The following CCDC102B variants were observed in gnomAD, a reference collection of about 807,000 sequenced individuals.
The protein encoded by CCDC102B is coiled-coil domain containing 102B.
A neutral mutation model predicts 57.4 loss-of-function variants in CCDC102B; 75 were observed. The observed-to-expected ratio is 1.31, with a 90% CI of 1.08 to 1.58. The LOEUF is 1.58. Among genes scored for constraint, CCDC102B ranks in the 40% most tolerant of loss-of-function variants. The pLI, the probability that CCDC102B is intolerant of heterozygous loss-of-function variation, is 0.00. For missense variants in CCDC102B, 636 were observed against 582.6 expected, an observed-to-expected ratio of 1.09 and a Z score of -0.94; for synonymous variants, 206 against 201.9, an observed-to-expected ratio of 1.02 and a Z score of -0.17.
At chr18:68,814,507 A>G (rs1160608889) in intron 1 of CCDC102B, among the ~76,000 whole-genome samples, 1 of 152,140 alleles carries the variant, frequency 6.6e-6, no homozygotes, top group Non-Finnish European at 1.5e-5. Flanking sequence ...TTCAATGGTC[A>G]GTTACATTCA....
Position 69,054,985 on chromosome 18 carries a change from T to G in CCDC102B, c.*848T>G, listed in dbSNP as rs375450603. ...ACATTATAGTTTATTGCTTCATATT[T>G]AAGTTTAGTTTTTAAGGTAAAATGT... On this transcript the variant is annotated 3_prime_UTR_variant, in exon 8 of 8. Transcript: ENST00000360242. 9.2e-6 allele frequency: 9 copies of G among 982,406 alleles called. No homozygotes were observed. The highest frequency in any genetic ancestry group is 2.3e-4 in the East Asian group (2 of 8,772). 60.9% of individuals were successfully genotyped at this position (982,406 alleles called of 1,614,324 possible).
downstream of CCDC102B, among the ~76,000 whole-genome samples, chr18:69,055,874 A>G (rs1409727341): frequency 2.6e-5 from 4 of 152,006 alleles, no homozygotes; most frequent in South Asian, 8.3e-4. Context: ...CCCACGAGGG[A>G]TGGGTTTTTA....
chr18:68,861,137 TA>T (rs34120526), intron 4 of CCDC102B, among the ~76,000 whole-genome samples: 52,793 of 150,388 alleles, frequency 0.35, 9,590 homozygotes, highest in African/African-American at 0.38. Flanking sequence ...TAAAACATAA[TA>T]AAAAAAAAAA....
At chr18:68,742,773 A>G (rs2145226331) in intron 2 of CCDC102B, among the ~76,000 whole-genome samples, 1 of 152,276 alleles carries the variant, frequency 6.6e-6, no homozygotes, top group South Asian at 2.1e-4. Context: ...TAACTTCATT[A>G]GAGGCTGCAT....
At chr18:68,926,106 A>T (rs1356529208) in intron 6 of CCDC102B, among the ~76,000 whole-genome samples, 2 of 151,974 alleles carry the variant, frequency 1.3e-5, no homozygotes, top group Non-Finnish European at 2.9e-5. Context: ...TTTTGCTAAC[A>T]TGCAGTAGGA....
chr18:68,779,054 ACT>A (rs1466740905), intron 2 of CCDC102B, among the ~76,000 whole-genome samples: 2 of 152,106 alleles, frequency 1.3e-5, no homozygotes, highest in Non-Finnish European at 2.9e-5. Flanking sequence ...AACGACACAC[ACT>A]ATCCAGAGAA....
intron 6 of CCDC102B, among the ~76,000 whole-genome samples, chr18:68,969,907 A>G (rs1413577351): frequency 6.6e-6 from 1 of 152,096 alleles, no homozygotes; most frequent in Non-Finnish European, 1.5e-5. Flanking sequence ...TTAGTTGCCC[A>G]AAAGTAAAAA....
intron 5 of CCDC102B, among the ~76,000 whole-genome samples, chr18:68,888,505 C>T (rs1042021552): frequency 4.6e-5 from 7 of 152,100 alleles, no homozygotes; most frequent in African/African-American, 1.7e-4. Context: ...GGGGTGCCAC[C>T]GTGTACATTG....
intron 6 of CCDC102B, among the ~76,000 whole-genome samples, chr18:68,954,787 T>G (rs2049796739): frequency 6.6e-6 from 1 of 152,206 alleles, no homozygotes; most frequent in Non-Finnish European, 1.5e-5. Flanking sequence ...TTCATTGAAT[T>G]GCTTTTTCCT....
intron 5 of CCDC102B, among the ~76,000 whole-genome samples, chr18:68,894,181 CTT>C (rs1463371775): frequency 2.6e-5 from 4 of 151,974 alleles, no homozygotes; most frequent in Non-Finnish European, 5.9e-5. Flanking sequence ...TTCAGTTCCT[CTT>C]TGTTTCTTGA....
At chr18:68,827,500 T>TA (rs903867840) in intron 1 of CCDC102B, among the ~76,000 whole-genome samples, 1 of 151,810 alleles carries the variant, frequency 6.6e-6, no homozygotes, top group Non-Finnish European at 1.5e-5. Flanking sequence ...AGTGATAAAC[T>TA]AAAAAATACT....
At chr18:69,028,485 G>A (rs1367223163) in intron 7 of CCDC102B, among the ~76,000 whole-genome samples, 3 of 152,092 alleles carry the variant, frequency 2.0e-5, no homozygotes. Flanking sequence ...AAATATTGTA[G>A]GAAGGACAGT....
chr18:68,827,713 A>G (rs1235786357), intron 1 of CCDC102B, among the ~76,000 whole-genome samples: 1 of 152,044 alleles, frequency 6.6e-6, no homozygotes, highest in Non-Finnish European at 1.5e-5. Context: ...GGCAGGGTGA[A>G]TAAAACAAAA....
chr18:69,031,465 G>A (rs577703891), intron 7 of CCDC102B, among the ~76,000 whole-genome samples: 75 of 129,542 alleles, frequency 5.8e-4, no homozygotes, highest in Admixed American at 1.7e-3. Flanking sequence ...TTTTTTTTCC[G>A]TCTGCTTCTT....
intron 7 of CCDC102B, among the ~76,000 whole-genome samples, chr18:69,021,674 T>C (rs1215144275): frequency 6.6e-6 from 1 of 152,206 alleles, no homozygotes; most frequent in Admixed American, 6.5e-5. Flanking sequence ...GTTTAAATGC[T>C]CGACAGCTAT....
chr18:68,849,870 T>A (rs957508282), intron 4 of CCDC102B, among the ~76,000 whole-genome samples: 21 of 152,132 alleles, frequency 1.4e-4, no homozygotes, highest in Non-Finnish European at 5.9e-5. Flanking sequence ...GGCAGCCTTC[T>A]CCATCTATCC....
intron 4 of CCDC102B, chr18:68,858,926 A>G (rs1411677033): frequency 6.6e-6 from 1 of 152,340 alleles, no homozygotes; most frequent in Non-Finnish European, 1.5e-5. Context: ...TTAAAAATAC[A>G]TGCTCCAGTG....
rs8098444 is a variant in CCDC102B at position 68,790,342 on chromosome 18, C to T, written c.-66-33024C>T. Among the ~76,000 whole-genome samples the T allele has an allele frequency of 6.9e-3, 1,042 of 151,752 alleles. 14 individuals carry two copies. The highest frequency in any genetic ancestry group is 0.023 in the African/African-American group (959 of 41,166). On this transcript the variant is annotated intron_variant, in intron 2 of 3. Transcript: ENST00000578970. ...ACAGAGGCAGGCAGGCCTCCTTGAG[C>T]TGTGGTGGGCTCCACCCAGTTCGAG... is the stretch of plus-strand genomic sequence containing the variant.
At chr18:68,957,233 T>A (rs977553556) in intron 6 of CCDC102B, among the ~76,000 whole-genome samples, 17 of 152,118 alleles carry the variant, frequency 1.1e-4, no homozygotes, top group Admixed American at 9.8e-4. Context: ...TCCCTAGAGT[T>A]TTCTTTTAAT....
Sources: gnomAD v4.1 joint callset for allele counts (sites outside exome capture counted in the v4.1 genomes callset) on GRCh38, gnomAD v4.1.1 for gene constraint, MANE v1.5 for transcripts, NCBI Gene and HGNC (gene_info 2026-07-23, HGNC 2026-07-21) for gene names.